WDPCP: variants seen among roughly 807,000 people sequenced by gnomAD.
WDPCP encodes WD repeat containing planar cell polarity effector, also known as WD repeat-containing and planar cell polarity effector protein fritz homolog.
Under a neutral mutation model 93.1 loss-of-function variants are expected in WDPCP, and 71 were observed. The observed-to-expected ratio is 0.76, with a 90% CI of 0.63 to 0.93. The LOEUF (loss-of-function observed/expected upper bound fraction) is 0.93, where lower values mean the gene tolerates loss of function less well. WDPCP is among the 40% of genes least tolerant of loss of function. The pLI, the probability that WDPCP is intolerant of heterozygous loss-of-function variation, is 0.00. For synonymous variants in WDPCP, 315 were observed against 315.0 expected (o/e 1.00, Z 0.00); for missense variants, 844 against 887.4 (o/e 0.95, Z 0.62).
intron 3 of WDPCP, among the ~76,000 whole-genome samples, chr2:63,646,951 C>G (rs1575737984): frequency 6.6e-6 from 1 of 152,132 alleles, no homozygotes; most frequent in South Asian, 2.1e-4. Context: ...AGATCTTTCT[C>G]TAGGTTTGGG....
rs6747989 is a variant in WDPCP at position 63,767,780 on chromosome 2, T to C, written n.308+45842A>G. Among the ~76,000 whole-genome samples the C allele has an allele frequency of 7.6e-3, 1,163 of 152,224 alleles. 22 individuals carry two copies. Among genetic ancestry groups the C allele is most frequent in the African/African-American group, 0.026 (1,080 of 41,580 alleles). On this transcript the variant is annotated intron_variant and non_coding_transcript_variant, in intron 2 of 4. Transcript: ENST00000467687. ...TGTGATATGCAAATATTTTGTCCTG[T>C]CTGTGTGGCTTTTCACTCTCTTTGG...
At chr2:63,425,879 C>T (rs145098241) in intron 9 of WDPCP, among the ~76,000 whole-genome samples, 120 of 152,294 alleles carry the variant, frequency 7.9e-4, no homozygotes, top group African/African-American at 2.7e-3. Flanking sequence ...ACAGAGAACC[C>T]ATGCAAGATA....
chr2:63,740,469 C>A (rs1395164750), intron 2 of WDPCP, among the ~76,000 whole-genome samples: 1 of 152,098 alleles, frequency 6.6e-6, no homozygotes, highest in East Asian at 1.9e-4. Context: ...GCAATCAAGG[C>A]ATACATCTTT....
chr2:63,409,345 G>T (rs578080121), intron 9 of WDPCP, among the ~76,000 whole-genome samples: 5 of 152,196 alleles, frequency 3.3e-5, no homozygotes, highest in Admixed American at 6.5e-5. Context: ...CATAGGAAGA[G>T]GGGGAGAGTA....
chr2:63,775,875 T>C (rs1670294338), intron 2 of WDPCP, among the ~76,000 whole-genome samples: 1 of 152,110 alleles, frequency 6.6e-6, no homozygotes, highest in Non-Finnish European at 1.5e-5. Flanking sequence ...ATGAGGATCT[T>C]AAGGGAAGAT....
chr2:63,682,698 C>T (rs1442918614), intron 2 of WDPCP, among the ~76,000 whole-genome samples: 2 of 151,908 alleles, frequency 1.3e-5, no homozygotes, highest in Non-Finnish European at 2.9e-5. Flanking sequence ...GCTTATAGAA[C>T]ACCAAGCAGA....
chr2:63,145,063 C>T (rs1671388024), intron 17 of WDPCP, among the ~76,000 whole-genome samples: 1 of 152,154 alleles, frequency 6.6e-6, no homozygotes, highest in African/African-American at 2.4e-5. Flanking sequence ...TATCTGGCTC[C>T]AGGCTGGTAC....
intron 12 of WDPCP, among the ~76,000 whole-genome samples, chr2:63,328,268 C>G (rs1398802080): frequency 1.4e-5 from 1 of 73,568 alleles, no homozygotes; most frequent in Admixed American, 1.4e-4. Flanking sequence ...GGAATAAAAG[C>G]AGGCCACCCG....
intron 2 of WDPCP, among the ~76,000 whole-genome samples, chr2:63,799,907 T>C (rs1236017163): frequency 6.6e-6 from 1 of 152,194 alleles, no homozygotes; most frequent in Non-Finnish European, 1.5e-5. Flanking sequence ...TCTGAAATCA[T>C]GCCCTTCCTC....
chr2:63,354,741 T>G (rs563146764), intron 12 of WDPCP, among the ~76,000 whole-genome samples: 1 of 152,230 alleles, frequency 6.6e-6, no homozygotes, highest in Admixed American at 6.5e-5. Context: ...TGTGTGTATA[T>G]GTATATAAAA....
chr2:63,398,127 A>G (rs543492977), intron 10 of WDPCP, among the ~76,000 whole-genome samples: 2 of 152,246 alleles, frequency 1.3e-5, no homozygotes, highest in East Asian at 3.9e-4. Flanking sequence ...GTGCATATTG[A>G]TAAGTGGTTG....
intron 2 of WDPCP, among the ~76,000 whole-genome samples, chr2:63,705,483 T>C (rs926169318): frequency 6.6e-6 from 1 of 152,158 alleles, no homozygotes; most frequent in Non-Finnish European, 1.5e-5. Context: ...GTCCCAGAGA[T>C]TCTGGTATGT....
At chr2:63,511,505 A>T (rs1474282939) in intron 1 of WDPCP, among the ~76,000 whole-genome samples, 1 of 152,202 alleles carries the variant, frequency 6.6e-6, no homozygotes, top group African/African-American at 2.4e-5. Flanking sequence ...CTATACTACA[A>T]GGCTGCAATA....
intron 13 of WDPCP, among the ~76,000 whole-genome samples, chr2:63,285,429 ATCTC>A (rs1683919406): frequency 2.1e-5 from 3 of 141,788 alleles, no homozygotes; most frequent in African/African-American, 5.2e-5. Flanking sequence ...GTGAGACTCC[ATCTC>A]AAAAAAAAAA....
intron 3 of WDPCP, among the ~76,000 whole-genome samples, chr2:63,629,371 A>C (rs879743515): frequency 1.3e-5 from 2 of 152,248 alleles, no homozygotes; most frequent in Admixed American, 6.5e-5. Flanking sequence ...GGGAAGTATC[A>C]GAGAAGGCCA....
intron 12 of WDPCP, among the ~76,000 whole-genome samples, chr2:63,343,045 C>T (rs1688954798): frequency 1.3e-5 from 2 of 152,040 alleles, no homozygotes; most frequent in Non-Finnish European, 2.9e-5. Context: ...TACTCTGTTA[C>T]CCAGGCTGGA....
chr2:63,614,120 A>T (rs1029729592), intron 3 of WDPCP, among the ~76,000 whole-genome samples: 11 of 152,284 alleles, frequency 7.2e-5, no homozygotes, highest in African/African-American at 2.4e-4. Context: ...GTTCCAGAAC[A>T]ATGTCTGTTC....
chr2:63,583,887 T>C (rs1018339169), intron 1 of WDPCP, among the ~76,000 whole-genome samples: 2 of 152,072 alleles, frequency 1.3e-5, no homozygotes, highest in African/African-American at 2.4e-5. Flanking sequence ...AGGAGGATCA[T>C]TCAAGCCCAG....
chr2:63,221,038 C>G (rs1330282654), intron 14 of WDPCP, among the ~76,000 whole-genome samples: 2 of 152,156 alleles, frequency 1.3e-5, no homozygotes, highest in Admixed American at 6.5e-5. Flanking sequence ...TGATCCTATT[C>G]TTTTTATGGC....
Sources: allele counts gnomAD v4.1 joint callset (sites outside exome capture counted in the v4.1 genomes callset), GRCh38; gene constraint gnomAD v4.1.1; transcripts MANE v1.5; gene names NCBI Gene and HGNC (gene_info 2026-07-23, HGNC 2026-07-21).